The following FOXP2 variants were observed in gnomAD, a reference collection of about 807,000 sequenced individuals.
FOXP2 encodes forkhead box P2.
In FOXP2, 12 loss-of-function variants were observed where a neutral mutation model predicts 115.8. The observed-to-expected ratio is 0.10, with a 90% CI of 0.07 to 0.17. The LOEUF is 0.17. FOXP2 is among the 10% of genes least tolerant of loss of function. The probability of loss-of-function intolerance (pLI) is 1.00; values close to 1 mark genes in which losing one functional copy is unlikely to be tolerated. For synonymous variants in FOXP2, 328 were observed against 297.7 expected (o/e 1.10, Z -1.05); for missense variants, 629 against 843.5 (o/e 0.75, Z 3.15).
At chr7:114,117,523 CTTTG>C (rs1301951660) in intron 1 of FOXP2, among the ~76,000 whole-genome samples, 1 of 152,068 alleles carries the variant, frequency 6.6e-6, no homozygotes, top group African/African-American at 2.4e-5. Context: ...TGCCATCAAA[CTTTG>C]TTTGATCTTT....
At chr7:114,185,671 A>C (rs1793575872) in intron 1 of FOXP2, among the ~76,000 whole-genome samples, 1 of 152,126 alleles carries the variant, frequency 6.6e-6, no homozygotes, top group Admixed American at 6.5e-5. Flanking sequence ...CTTCAGGGAA[A>C]CAGCTGTCTA....
At chr7:114,172,356 A>T (rs1793170038) in intron 1 of FOXP2, among the ~76,000 whole-genome samples, 1 of 152,182 alleles carries the variant, frequency 6.6e-6, no homozygotes, top group South Asian at 2.1e-4. Context: ...TATGGGCGAG[A>T]GAGAAATAAA....
chr7:114,486,039 A>G (rs1427929208), intron 2 of FOXP2, among the ~76,000 whole-genome samples: 1 of 152,180 alleles, frequency 6.6e-6, no homozygotes, highest in Non-Finnish European at 1.5e-5. Flanking sequence ...ATGAGATAGC[A>G]ATGTAGAATT....
At chr7:114,100,555 T>C (rs1799755540) in intron 1 of FOXP2, among the ~76,000 whole-genome samples, 1 of 152,240 alleles carries the variant, frequency 6.6e-6, no homozygotes, top group Non-Finnish European at 1.5e-5. Flanking sequence ...AGTTCAGTTA[T>C]CCAGCATGTA....
intron 1 of FOXP2, among the ~76,000 whole-genome samples, chr7:114,267,283 T>G (rs1795917072): frequency 6.6e-6 from 1 of 152,180 alleles, no homozygotes; most frequent in African/African-American, 2.4e-5. Context: ...AAAAAGCTTA[T>G]GAACAACTTT....
intron 16 of FOXP2, among the ~76,000 whole-genome samples, chr7:114,686,786 G>A (rs191167734): frequency 2.3e-3 from 346 of 151,914 alleles, no homozygotes; most frequent in African/African-American, 7.3e-3. Context: ...TTCTGAGCAC[G>A]TATACTTTTT....
At chr7:114,631,224 A>G (rs1240872684) in intron 5 of FOXP2, among the ~76,000 whole-genome samples, 1 of 152,088 alleles carries the variant, frequency 6.6e-6, no homozygotes, top group East Asian at 1.9e-4. Context: ...CTTTTAATCT[A>G]GAGAAATGTA....
chr7:114,134,009 G>C (rs1597548), intron 1 of FOXP2, among the ~76,000 whole-genome samples: 21,125 of 152,084 alleles, frequency 0.14, 1,928 homozygotes, highest in East Asian at 0.39. Flanking sequence ...AGCCAGTAGA[G>C]GAGATTGAGA....
intron 2 of FOXP2, chr7:114,463,160 C>G (rs773189636): frequency 3.0e-5 from 10 of 338,326 alleles, no homozygotes; most frequent in South Asian, 2.3e-4. Flanking sequence ...TCTGAAGTAG[C>G]TAGGACTACA....
At chr7:114,621,252 AT>A (rs1398310683) in intron 3 of FOXP2, among the ~76,000 whole-genome samples, 1 of 152,072 alleles carries the variant, frequency 6.6e-6, no homozygotes, top group African/African-American at 2.4e-5. Flanking sequence ...TCTTTTTGAT[AT>A]CTATAAAGAA....
chr7:114,582,704 A>T (rs1357753372), intron 3 of FOXP2, among the ~76,000 whole-genome samples: 1 of 152,198 alleles, frequency 6.6e-6, no homozygotes, highest in East Asian at 1.9e-4. Flanking sequence ...TAATTGGTTA[A>T]TTTTTGGTAA....
At chr7:114,329,993 T>C (rs1222609079) in intron 2 of FOXP2, among the ~76,000 whole-genome samples, 2 of 152,118 alleles carry the variant, frequency 1.3e-5, no homozygotes, top group African/African-American at 4.8e-5. Context: ...AGTTTTTCTT[T>C]TAGTTGTTAT....
chr7:114,122,794 A>G (rs1791601508), intron 1 of FOXP2, among the ~76,000 whole-genome samples: 3 of 152,092 alleles, frequency 2.0e-5, no homozygotes, highest in East Asian at 1.9e-4. Flanking sequence ...TATACATAAC[A>G]TTTGAATACA....
chr7:114,281,142 C>T (rs1796327246), intron 1 of FOXP2, among the ~76,000 whole-genome samples: 1 of 134,068 alleles, frequency 7.5e-6, no homozygotes. Context: ...CACTCTGTCG[C>T]TGAGACTGCA....
intron 3 of FOXP2, among the ~76,000 whole-genome samples, chr7:114,537,174 T>C (rs974378011): frequency 6.6e-6 from 1 of 151,646 alleles, no homozygotes; most frequent in Non-Finnish European, 1.5e-5. Flanking sequence ...TCTTATATAA[T>C]TCTCTCAAAA....
chr7:114,492,951 A>G (rs1353943634), intron 2 of FOXP2, among the ~76,000 whole-genome samples: 6 of 152,132 alleles, frequency 3.9e-5, no homozygotes, highest in Non-Finnish European at 8.8e-5. Flanking sequence ...AGCTGAGTTC[A>G]ATTCCTGGAT....
rs200981384 is a variant in FOXP2, at chr7:114,265,467, G to T, written c.-101-22552G>T. On this transcript the variant is annotated intron_variant, in intron 1 of 17. Transcript: ENST00000634411. Reference sequence around the variant, plus strand: ...GCTCTTCCCCTGTGACATTGTAGGGGTCAGCCCTTGCGCTTGCTCTCACAG... The same window carrying T: ...GCTCTTCCCCTGTGACATTGTAGGGTTCAGCCCTTGCGCTTGCTCTCACAG... 2.5e-4 allele frequency among the ~76,000 whole-genome samples: 38 copies of T among 152,316 alleles called. No homozygotes were observed. In the East Asian group the frequency reaches 7.1e-3, roughly 29 times the overall value.
At chr7:114,530,119 C>T (rs1562979270) in intron 2 of FOXP2, among the ~76,000 whole-genome samples, 1 of 151,782 alleles carries the variant, frequency 6.6e-6, no homozygotes, top group South Asian at 2.1e-4. Context: ...GTCAGTATAA[C>T]TAGGGAGTGA....
intron 3 of FOXP2, chr7:114,538,526 A>G: frequency 2.3e-6 from 1 of 430,278 alleles, no homozygotes; most frequent in Non-Finnish European, 3.9e-6. Context: ...TTCTGTCTTA[A>G]GAAGTTCAAG....
Sources: gnomAD v4.1 joint callset for allele counts (sites outside exome capture counted in the v4.1 genomes callset) on GRCh38, gnomAD v4.1.1 for gene constraint, MANE v1.5 for transcripts, NCBI Gene and HGNC (gene_info 2026-07-23, HGNC 2026-07-21) for gene names.